Variants in KLF8 observed in about 807,000 individuals in gnomAD.
KLF8 encodes KLF transcription factor 8, also known as Krueppel-like factor 8.
Under a neutral mutation model 18.2 loss-of-function variants are expected in KLF8, and 10 were observed. The observed-to-expected ratio is 0.55, with a 90% CI of 0.34 to 0.93. The LOEUF is 0.93. KLF8 is among the 40% of genes least tolerant of loss of function. The pLI is 0.02. For missense variants in KLF8, 264 were observed against 277.9 expected (o/e 0.95, Z 0.36); for synonymous variants, 109 against 97.3 (o/e 1.12, Z -0.71).
chrX:55,933,708 A>G, the KLF8 span, among the ~76,000 whole-genome samples: 28 of 112,166 alleles, frequency 2.5e-4, no homozygotes, highest in Non-Finnish European at 2.8e-4. Context: ...GTGCAAAAGT[A>G]TGCTTTCCCA....
At chrX:56,116,033 C>T in the KLF8 span, among the ~76,000 whole-genome samples, 1 of 112,965 alleles carries the variant, frequency 8.9e-6, no homozygotes, top group Non-Finnish European at 1.9e-5. Context: ...TGATGGTCAG[C>T]TTTTGTATAG....
chrX:56,136,495 C>A, the KLF8 span, among the ~76,000 whole-genome samples: 1 of 111,483 alleles, frequency 9.0e-6, no homozygotes, highest in Admixed American at 9.5e-5. Flanking sequence ...CAAAAACAAG[C>A]AATGGGGAAA....
At chrX:56,154,650 C>T in the KLF8 span, among the ~76,000 whole-genome samples, 1 of 111,761 alleles carries the variant, frequency 8.9e-6, no homozygotes, top group Non-Finnish European at 1.9e-5. Flanking sequence ...AAGAAACTAC[C>T]ATCAGAGTGA....
the KLF8 span, among the ~76,000 whole-genome samples, chrX:56,104,980 G>T: frequency 1.8e-5 from 2 of 112,038 alleles, no homozygotes; most frequent in Admixed American, 1.9e-4. Flanking sequence ...GTACCCAGTA[G>T]TCACTCAGGT....
chrX:56,265,123 G>A, intron 2 of KLF8, 57 bp from the exon 3 acceptor site: 1 of 1,095,917 alleles, frequency 9.1e-7, no homozygotes, highest in East Asian at 3.2e-5. Context: ...TTGCTTGCAT[G>A]TCTCTTCAGG....
the KLF8 span, among the ~76,000 whole-genome samples, chrX:55,990,570 G>C: frequency 8.9e-6 from 1 of 111,946 alleles, no homozygotes; most frequent in Non-Finnish European, 1.9e-5. Flanking sequence ...CAGGAGGAGA[G>C]GCGCTCTGAT....
chrX:56,249,382 G>A (rs377372740), intron 1 of KLF8, among the ~76,000 whole-genome samples: 1 of 112,223 alleles, frequency 8.9e-6, no homozygotes, highest in East Asian at 2.8e-4. Flanking sequence ...TGTGATTGGC[G>A]CAACAGTAGA....
chrX:56,003,901 G>C, the KLF8 span, among the ~76,000 whole-genome samples: 2 of 112,194 alleles, frequency 1.8e-5, no homozygotes, highest in East Asian at 2.8e-4. Context: ...GAGGAACAAC[G>C]TATCTTATGT....
At chrX:55,947,985 T>C in the KLF8 span, among the ~76,000 whole-genome samples, 12 of 112,320 alleles carry the variant, frequency 1.1e-4, no homozygotes, top group Non-Finnish European at 2.1e-4. Context: ...TCCATTATTT[T>C]ATGTATTTTA....
chrX:56,105,534 C>CT, the KLF8 span, among the ~76,000 whole-genome samples: 274 of 102,997 alleles, frequency 2.7e-3, no homozygotes, highest in African/African-American at 7.1e-3. Flanking sequence ...GCAACCCCTG[C>CT]TTTTTTTTTT....
Position 56,265,585 on chromosome X carries a change from A to T in KLF8, c.487A>T (p.Ile163Phe). The change falls in exon 3 of 6, where the codon ATC (isoleucine) becomes TTC (phenylalanine). Residue 163 changes from isoleucine (I) to phenylalanine (F), a missense_variant. By Grantham distance (21) the Ile-to-Phe change is conservative. Coordinates refer to ENST00000468660, the MANE Select transcript of KLF8 (RefSeq NM_007250.5). ...GCAGATCTTACATGTCATTCACACT[A>T]TCCCCTCAGTCAGTCTGCCAAATAA... ...SQQILHVIHTIPSVSLPNKMG... is the reference protein window; with the variant it reads ...SQQILHVIHTFPSVSLPNKMG... 8.3e-7 allele frequency: 1 copy of T among 1,211,516 alleles called. No homozygotes were observed. The highest frequency in any genetic ancestry group is 1.1e-6 in the Non-Finnish European group (1 of 895,343).
chrX:56,177,001 C>A, the KLF8 span, among the ~76,000 whole-genome samples: 1 of 111,137 alleles, frequency 9.0e-6, no homozygotes, highest in Admixed American at 9.7e-5. Flanking sequence ...GGTAGCCATT[C>A]GTCTAATTTT....
the KLF8 span, among the ~76,000 whole-genome samples, chrX:55,960,409 G>A: frequency 5.4e-5 from 6 of 111,394 alleles, no homozygotes; most frequent in Admixed American, 2.9e-4. Flanking sequence ...TCAGCTACTC[G>A]GGAGGCAGAG....
chrX:56,183,514 G>A, the KLF8 span, among the ~76,000 whole-genome samples: 1 of 111,448 alleles, frequency 9.0e-6, no homozygotes, highest in Non-Finnish European at 1.9e-5. Flanking sequence ...TACCACAGTT[G>A]GAAATGCAGA....
the KLF8 span, among the ~76,000 whole-genome samples, chrX:56,200,372 CTAAG>C: frequency 0.028 from 3,070 of 109,554 alleles, 117 homozygotes; most frequent in African/African-American, 0.095. Flanking sequence ...AAAAATATAA[CTAAG>C]TATTTTTAAA....
the KLF8 span, among the ~76,000 whole-genome samples, chrX:56,063,918 G>A: frequency 9.1e-6 from 1 of 109,723 alleles, no homozygotes; most frequent in Non-Finnish European, 1.9e-5. Flanking sequence ...GGCTCCCTAT[G>A]TGTTCTAATA....
At chrX:56,213,174 G>C in the KLF8 span, among the ~76,000 whole-genome samples, 14 of 109,985 alleles carry the variant, frequency 1.3e-4, no homozygotes, top group Non-Finnish European at 1.9e-5. Flanking sequence ...CATCAGCTCT[G>C]GGATTAATCA....
chrX:56,083,932 C>T, the KLF8 span, among the ~76,000 whole-genome samples: 2 of 111,670 alleles, frequency 1.8e-5, no homozygotes, highest in African/African-American at 6.5e-5. Flanking sequence ...GGAAACTGGT[C>T]CCTGGTGCCA....
At chrX:56,238,821 T>C (rs762484885) in intron 1 of KLF8, among the ~76,000 whole-genome samples, 39 of 112,226 alleles carry the variant, frequency 3.5e-4, no homozygotes, top group Non-Finnish European at 7.1e-4. Flanking sequence ...TTAAAAATTA[T>C]GTTACTCTCC....
Sources: allele counts gnomAD v4.1 joint callset (sites outside exome capture counted in the v4.1 genomes callset), GRCh38; gene constraint gnomAD v4.1.1; transcripts MANE v1.5; gene names NCBI Gene and HGNC (gene_info 2026-07-23, HGNC 2026-07-21).